SPDYE3: variants seen among roughly 807,000 people sequenced by gnomAD.
The protein encoded by SPDYE3 is speedy protein E3.
SPDYE3 carries 15 observed loss-of-function variants against 55.0 expected under a neutral mutation model. The ratio of observed to expected loss-of-function variants is 0.27; its 90% confidence interval spans 0.18 to 0.42. The LOEUF (loss-of-function observed/expected upper bound fraction) is 0.42. SPDYE3 is among the 10% of genes least tolerant of loss of function. The pLI, the probability that SPDYE3 is intolerant of heterozygous loss-of-function variation, is 1.00. For synonymous variants in SPDYE3, 89 were observed against 229.9 expected, an observed-to-expected ratio of 0.39 and a Z score of 5.55; for missense variants, 236 against 576.7, an observed-to-expected ratio of 0.41 and a Z score of 6.05.
In SPDYE3 at chr7:100,321,716, CAT is replaced by C. The variant is rs1789583617; in HGVS notation, c.*872_*873del. On this transcript the variant is annotated 3_prime_UTR_variant, in exon 11 of 11. Transcript: ENST00000332397. ...GTGAGAATTCAGTTGTGATTTTTAACATGTCTTAGATATATATACTAACATGT... is the reference window on the plus strand; with the variant it reads ...GTGAGAATTCAGTTGTGATTTTTAACGTCTTAGATATATATACTAACATGT... 1 of 150,950 alleles carries C rather than the reference CAT, an allele frequency of 6.6e-6. No individual in the cohort carries two copies. The highest frequency in any genetic ancestry group is 1.5e-5 in the Non-Finnish European group (1 of 67,812). 9.4% of individuals were successfully genotyped at this position (150,950 alleles called of 1,614,324 possible).
Position 100,321,211 on chromosome 7 carries a change from C to A in SPDYE3, c.*366C>A. ...ACCTGGAGGTCCTGTTTCTTACGGA[C>A]TTGGTTGCCACAGTCCAGGAGCATT... On this transcript the variant is annotated 3_prime_UTR_variant, in exon 11 of 11. Transcript: ENST00000332397. The A allele has an allele frequency of 4.2e-6, 2 of 480,222 alleles. No homozygotes were observed. The highest frequency in any genetic ancestry group is 3.0e-5 in the South Asian group (2 of 67,004). The allele number at this position is 480,222 out of a possible 1,614,324, so 29.7% of individuals were successfully genotyped here. A position where few individuals can be genotyped will look rare whatever the true frequency, so the allele number is the denominator to read the frequency against.
chr7:100,321,428 C>T lies in SPDYE3; in HGVS notation c.*583C>T, dbSNP rs1789579364. 2 of 226,206 alleles carry T rather than the reference C, an allele frequency of 8.8e-6. No individual in the cohort carries two copies. The highest frequency in any genetic ancestry group is 2.4e-5 in the African/African-American group (1 of 42,306). The allele number at this position is 226,206 out of a possible 1,614,324, so 14.0% of individuals were successfully genotyped here. ...TTGTACTTTTGAAAACATGCTGTTC[C>T]TGTAGAGTTTTTTGATGAGAGTTAT... is the stretch of plus-strand genomic sequence containing the variant. On this transcript the variant is annotated 3_prime_UTR_variant, in exon 11 of 11. Coordinates refer to ENST00000332397, the MANE Select transcript of SPDYE3 (RefSeq NM_001004351.5).
chr7:100,315,748 C>T, intron 6 of SPDYE3, 37 bp from the exon 7 acceptor site: 1 of 1,597,910 alleles, frequency 6.3e-7, no homozygotes. Context: ...GAAACCCTGT[C>T]CTGCTTCTCA....
chr7:100,312,446 A>C (rs371815751), intron 4 of SPDYE3, among the ~76,000 whole-genome samples: 2 of 116,288 alleles, frequency 1.7e-5, no homozygotes, highest in East Asian at 2.1e-4. Flanking sequence ...GCAGTGAGCC[A>C]AGATCGTGCT....
At chr7:100,320,126 C>T (rs139134444) in intron 10 of SPDYE3, 91 bp downstream of exon 10, 80 of 1,556,722 alleles carry the variant, frequency 5.1e-5, no homozygotes, top group Non-Finnish European at 6.0e-5. Flanking sequence ...CTTCAAGCCT[C>T]GGCAACGTGG....
At chr7:100,317,508 G>A (rs1415913089) in intron 8 of SPDYE3, among the ~76,000 whole-genome samples, 2 of 152,072 alleles carry the variant, frequency 1.3e-5, no homozygotes, top group Non-Finnish European at 2.9e-5. Context: ...GGGAGGCTGA[G>A]GCATGAGAAC....
chr7:100,308,684 G>C (rs532138888), intron 1 of SPDYE3, among the ~76,000 whole-genome samples: 1 of 151,738 alleles, frequency 6.6e-6, no homozygotes, highest in Non-Finnish European at 1.5e-5. Context: ...ACTCCAGCCT[G>C]GGTGACAAAG....
intron 8 of SPDYE3, among the ~76,000 whole-genome samples, chr7:100,319,206 T>C (rs1021603372): frequency 3.3e-5 from 5 of 152,144 alleles, no homozygotes; most frequent in African/African-American, 1.2e-4. Flanking sequence ...CCACCACGTC[T>C]GGCGTATTTT....
chr7:100,315,001 C>G (rs1218762592), intron 6 of SPDYE3, among the ~76,000 whole-genome samples: 2 of 146,140 alleles, frequency 1.4e-5, no homozygotes, highest in Admixed American at 1.4e-4. Flanking sequence ...GCCTGAGATC[C>G]CAGCACGTTG....
At chr7:100,316,715 GCT>G (rs1806113280) in intron 7 of SPDYE3, among the ~76,000 whole-genome samples, 4 of 152,044 alleles carry the variant, frequency 2.6e-5, no homozygotes, top group Non-Finnish European at 5.9e-5. Context: ...CCACCGTCTG[GCT>G]GCAGTCCTGA....
chr7:100,312,361 G>C (rs1270009093), intron 4 of SPDYE3, among the ~76,000 whole-genome samples: 2 of 149,368 alleles, frequency 1.3e-5, no homozygotes, highest in Non-Finnish European at 3.0e-5. Flanking sequence ...GCTGGGCACA[G>C]TAGCTCATGC....
In SPDYE3 at chr7:100,309,030, G is replaced by C; in HGVS notation, c.163G>C (p.Glu55Gln). 1.7e-6 allele frequency: 1 copy of C among 583,142 alleles called. No homozygotes were observed. The highest frequency in any genetic ancestry group is 2.9e-6 in the Non-Finnish European group (1 of 348,936). 36.1% of individuals were successfully genotyped at this position (583,142 alleles called of 1,614,324 possible). A position where few individuals can be genotyped will look rare whatever the true frequency, so the allele number is the denominator to read the frequency against. Residue 55 changes from glutamate to glutamine, a missense_variant, in exon 2 of 11, where the codon GAG becomes CAG. By Grantham distance (29) the Glu-to-Gln change is conservative. Transcript: ENST00000332397. ...RRSLGCKRKR[E>Q]CLDESDDEPE... is the part of the protein sequence containing the mutation. The stretch of plus-strand genomic sequence containing the variant: ...GTCCCTTGGCTGCAAAAGGAAGAGG[G>C]AGTGTTTGGATGAATCTGATGATGA...
chr7:100,319,808 G>C lies in SPDYE3; in HGVS notation c.1590G>C (p.Glu530Asp). Residue 530 changes from glutamate (E) to aspartate (D), a missense_variant and splice_region_variant, in exon 9 of 11, where the codon GAG (glutamate) becomes GAC (aspartate). Glu to Asp is a conservative substitution (Grantham distance 45). Transcript: ENST00000332397. ...GGGTTTCCCCGGAGGAGTTGGAGGA[G>C]GTGGGTGGGGCCTGGGGAGGTGGAG... ...RAWVSPEELE[E>D]IQAYDPEHWV... is the part of the protein sequence containing the mutation. 6.2e-7 allele frequency: 1 copy of C among 1,614,114 alleles called. No homozygotes were observed. The highest frequency in any genetic ancestry group is 1.1e-5 in the South Asian group (1 of 91,080).
At position 100,321,777 on chromosome 7, in the gene SPDYE3, C is replaced by A. The variant is rs1429667737; in HGVS notation, c.*932C>A. ...TACTATCTATTTTATTGATTTATTT[C>A]GAAAAAGATGGGCAAAGAATTATTT... On this transcript the variant is annotated 3_prime_UTR_variant, in exon 11 of 11. Transcript: ENST00000332397. The A allele has an allele frequency of 7.3e-6, 1 of 137,462 alleles. No homozygotes were observed. The highest frequency in any genetic ancestry group is 2.3e-4 in the South Asian group (1 of 4,340). 8.5% of individuals were successfully genotyped at this position (137,462 alleles called of 1,614,324 possible). A position where few individuals can be genotyped will look rare whatever the true frequency, so the allele number is the denominator to read the frequency against.
Position 100,310,571 on chromosome 7 carries a change from G to A in SPDYE3, c.537G>A (p.Arg179=). 1 of 214,898 alleles carries A rather than the reference G, an allele frequency of 4.7e-6. No individual in the cohort carries two copies. The highest frequency in any genetic ancestry group is 1.4e-4 in the African/African-American group (1 of 7,222). 13.3% of individuals were successfully genotyped at this position (214,898 alleles called of 1,614,324 possible). A position where few individuals can be genotyped will look rare whatever the true frequency, so the allele number is the denominator to read the frequency against. The change falls in exon 3 of 11, where the codon AGG becomes AGA. Residue 179 remains arginine (R), a synonymous_variant. Transcript: ENST00000332397. The stretch of plus-strand genomic sequence containing the variant: ...CTGAGTACTACGAGGCCTTCAACAG[G>A]CTGCTTGGTAGGAGGACACCCCAGA... The part of the protein sequence containing the change: ...VLPEYYEAFN[R]LLAPGVDPSP...
rs947984140 is a variant in SPDYE3, at chr7:100,321,807, ATTATT to A, written c.*969_*973del. The A allele has an allele frequency of 1.4e-5, 2 of 148,064 alleles. No homozygotes were observed. Among genetic ancestry groups the A allele is most frequent in the Non-Finnish European group, 3.0e-5 (2 of 67,204 alleles). The allele number at this position is 148,064 out of a possible 1,614,324, so 9.2% of individuals were successfully genotyped here. Reference sequence around the variant, plus strand: ...AAGATGGGCAAAGAATTATTTAAATATTATTTTATTTATTTAAATATTTATTAAAT... The same window carrying A: ...AAGATGGGCAAAGAATTATTTAAATATTATTTATTTAAATATTTATTAAAT... On this transcript the variant is annotated 3_prime_UTR_variant, in exon 11 of 11. Coordinates refer to ENST00000332397, the MANE Select transcript of SPDYE3 (RefSeq NM_001004351.5).
chr7:100,319,869 C>T (rs866504552), intron 9 of SPDYE3, 61 bp downstream of exon 9: 22 of 1,612,886 alleles, frequency 1.4e-5, no homozygotes, highest in South Asian at 3.3e-5. Context: ...GGAGGCTGGA[C>T]GAGGGGAGAG....
intron 7 of SPDYE3, among the ~76,000 whole-genome samples, 192 bp downstream of exon 7, chr7:100,316,035 G>C (rs1438812705): frequency 1.3e-5 from 2 of 152,018 alleles, no homozygotes; most frequent in East Asian, 1.9e-4. Context: ...GCAGTGTCTC[G>C]ATCTTGACTC....
intron 8 of SPDYE3, among the ~76,000 whole-genome samples, 157 bp from the exon 9 acceptor site, chr7:100,319,408 T>C (rs570864093): frequency 7.9e-5 from 12 of 152,268 alleles, no homozygotes; most frequent in African/African-American, 2.4e-4. Context: ...CAGGTCTCTG[T>C]CCAGCAGAGC....
Sources: gnomAD v4.1 joint callset for allele counts (sites outside exome capture counted in the v4.1 genomes callset) on GRCh38, gnomAD v4.1.1 for gene constraint, MANE v1.5 for transcripts, NCBI Gene and HGNC (gene_info 2026-07-23, HGNC 2026-07-21) for gene names.